The following SLC7A11 variants were observed in gnomAD, a reference collection of about 807,000 sequenced individuals.
SLC7A11 encodes the protein cystine/glutamate transporter.
In SLC7A11, 35 loss-of-function variants were observed where a neutral mutation model predicts 54.5. The observed-to-expected ratio is 0.64, with a 90% confidence interval of 0.49 to 0.85. The LOEUF (loss-of-function observed/expected upper bound fraction) is 0.85. SLC7A11 is among the 40% of genes least tolerant of loss of function. SLC7A11 has a pLI of 0.00. For missense variants in SLC7A11, 583 were observed against 618.1 expected (o/e 0.94, Z 0.60); for synonymous variants, 230 against 225.2 (o/e 1.02, Z -0.19).
chr4:138,223,326 T>C lies in SLC7A11; in HGVS notation c.521-2A>G. The C allele has an allele frequency of 1.2e-6, 2 of 1,612,744 alleles. No homozygotes were observed. Among genetic ancestry groups the C allele is most frequent in the Non-Finnish European group, 1.7e-6 (2 of 1,179,164 alleles). Reference sequence around the variant, plus strand: ...TGCTATTTAGGACCATCACTACAGCTGCAAACAAATAGAGGAAGTTACAAA... The same window carrying C: ...TGCTATTTAGGACCATCACTACAGCCGCAAACAAATAGAGGAAGTTACAAA... On this transcript the variant is annotated splice_acceptor_variant, in intron 3 of 11. Coordinates refer to ENST00000280612, the MANE Select transcript of SLC7A11 (RefSeq NM_014331.4). LOFTEE classifies it high-confidence loss of function.
At chr4:138,179,160 T>C (rs1231435944) in intron 11 of SLC7A11, 57 bp downstream of exon 11, 26 of 1,219,898 alleles carry the variant, frequency 2.1e-5, no homozygotes, top group Non-Finnish European at 3.1e-5. Flanking sequence ...TATGCACACC[T>C]TTATGGGTTT....
intron 1 of SLC7A11, among the ~76,000 whole-genome samples, chr4:138,239,710 T>C (rs950957026): frequency 2.0e-5 from 3 of 152,218 alleles, no homozygotes; most frequent in African/African-American, 7.2e-5. Context: ...AGATGATATG[T>C]AATACTTATG....
chr4:138,225,653 G>A (rs1483589132), intron 3 of SLC7A11, among the ~76,000 whole-genome samples: 5 of 152,060 alleles, frequency 3.3e-5, no homozygotes, highest in African/African-American at 1.2e-4. Context: ...GCAAATGACT[G>A]TGTGATGAGT....
chr4:138,206,328 G>GT (rs1156347003), intron 6 of SLC7A11, among the ~76,000 whole-genome samples: 15 of 150,386 alleles, frequency 1.0e-4, no homozygotes, highest in African/African-American at 3.7e-4. Context: ...AGCCACTGTT[G>GT]TTGCTCCTAA....
rs189047234 is a variant in SLC7A11, at chr4:138,169,867, T to G, written c.*2089A>C. The G allele has an allele frequency of 3.3e-5, 5 of 151,664 alleles. No individual in the cohort carries two copies. The East Asian group carries it at 9.7e-4, about 29-fold the overall frequency. The allele number at this position is 151,664 out of a possible 1,614,324, so 9.4% of individuals were successfully genotyped here. A position where few individuals can be genotyped will look rare whatever the true frequency, so the allele number is the denominator to read the frequency against. Reference sequence around the variant, plus strand: ...AACCCTATGCTAAGGAAGGAAGGAGTTATTATAAATTCACTCAGAGACCCA... The same window carrying G: ...AACCCTATGCTAAGGAAGGAAGGAGGTATTATAAATTCACTCAGAGACCCA... On this transcript the variant is annotated 3_prime_UTR_variant, in exon 12 of 12. Transcript: ENST00000280612.
chr4:138,210,059 G>C (rs1366787335), intron 6 of SLC7A11, among the ~76,000 whole-genome samples: 1 of 151,818 alleles, frequency 6.6e-6, no homozygotes, highest in Admixed American at 6.6e-5. Context: ...TAAACTAATG[G>C]AACAGGTTAA....
chr4:138,232,787 A>T (rs957780832), intron 2 of SLC7A11, among the ~76,000 whole-genome samples: 1 of 152,250 alleles, frequency 6.6e-6, no homozygotes, highest in Non-Finnish European at 1.5e-5. Context: ...CTAATGTGTC[A>T]GGGCATAGTC....
At chr4:138,216,351 A>G (rs529182308) in intron 5 of SLC7A11, among the ~76,000 whole-genome samples, 1 of 152,316 alleles carries the variant, frequency 6.6e-6, no homozygotes, top group African/African-American at 2.4e-5. Flanking sequence ...AAGGAAGAGA[A>G]AAAGACACTA....
intron 6 of SLC7A11, among the ~76,000 whole-genome samples, chr4:138,192,217 G>A (rs1737028731): frequency 6.6e-6 from 1 of 152,110 alleles, no homozygotes; most frequent in East Asian, 1.9e-4. Context: ...TACCAAAACA[G>A]ACACCACATT....
At chr4:138,192,162 G>C (rs1310988268) in intron 6 of SLC7A11, among the ~76,000 whole-genome samples, 1 of 152,122 alleles carries the variant, frequency 6.6e-6, no homozygotes, top group Admixed American at 6.6e-5. Context: ...CTCACCAAAA[G>C]TCTGTTTTCT....
intron 1 of SLC7A11, 21 bp downstream of exon 1, chr4:138,241,772 G>A: frequency 1.3e-6 from 2 of 1,576,604 alleles, no homozygotes; most frequent in Non-Finnish European, 1.7e-6. Flanking sequence ...ACGCCCCCAC[G>A]AGAGAAAAAG....
At chr4:138,231,013 T>A (rs1738064299) in intron 3 of SLC7A11, among the ~76,000 whole-genome samples, 1 of 152,170 alleles carries the variant, frequency 6.6e-6, no homozygotes, top group African/African-American at 2.4e-5. Flanking sequence ...ATAAATTGAA[T>A]AAAATAATGT....
At chr4:138,231,677 CT>C (rs1560739900) in intron 3 of SLC7A11, among the ~76,000 whole-genome samples, 2 of 152,018 alleles carry the variant, frequency 1.3e-5, no homozygotes, top group Non-Finnish European at 2.9e-5. Flanking sequence ...CTTTTTGTTT[CT>C]TTTTTTAATC....
intron 1 of SLC7A11, among the ~76,000 whole-genome samples, chr4:138,237,381 ACT>A (rs1738238162): frequency 6.7e-6 from 1 of 148,262 alleles, no homozygotes; most frequent in South Asian, 2.1e-4. Context: ...TTTGAAGTGT[ACT>A]CTCTGGGTGT....
At chr4:138,180,856 C>A in intron 9 of SLC7A11, 66 bp from the exon 10 acceptor site, 1 of 1,401,294 alleles carries the variant, frequency 7.1e-7, no homozygotes, top group Non-Finnish European at 9.8e-7. Flanking sequence ...ACAACAAAAA[C>A]CTCACTATGC....
chr4:138,168,123 G>C lies in SLC7A11; in HGVS notation c.*3833C>G, dbSNP rs973018267. The C allele has an allele frequency of 1.3e-5, 2 of 152,048 alleles. No homozygotes were observed. The highest frequency in any genetic ancestry group is 1.9e-4 in the East Asian group (1 of 5,198). 9.4% of individuals were successfully genotyped at this position (152,048 alleles called of 1,614,324 possible). ...CACATGGACAATGCAGATTTTGTGG[G>C]GGTAGAAGTGTACACAACTTTGCTG... On this transcript the variant is annotated 3_prime_UTR_variant, in exon 12 of 12. Transcript: ENST00000280612.
At chr4:138,197,413 T>C (rs1291473416) in intron 6 of SLC7A11, among the ~76,000 whole-genome samples, 3 of 152,130 alleles carry the variant, frequency 2.0e-5, no homozygotes, top group African/African-American at 7.2e-5. Flanking sequence ...AAGAGGAAGA[T>C]TAATGTCATT....
At chr4:138,195,617 T>C (rs1737113373) in intron 6 of SLC7A11, among the ~76,000 whole-genome samples, 1 of 152,162 alleles carries the variant, frequency 6.6e-6, no homozygotes, top group South Asian at 2.1e-4. Context: ...AGGGAAACCT[T>C]ACCTCCTTCT....
chr4:138,164,748 G>GA lies in SLC7A11; in HGVS notation c.*7207dup, dbSNP rs1323527261. The stretch of plus-strand genomic sequence containing the variant: ...CTTGAGTTGAGGACCAGTTAGTTAG[G>GA]ATATTGAGGATCACTCTTTTTCAGC... On this transcript the variant is annotated 3_prime_UTR_variant, in exon 12 of 12. Coordinates refer to ENST00000280612, the MANE Select transcript of SLC7A11 (RefSeq NM_014331.4). 4 of 152,166 alleles carry GA rather than the reference G, an allele frequency of 2.6e-5. No individual in the cohort carries two copies. In the East Asian group the frequency reaches 7.7e-4, roughly 29 times the overall value. 9.4% of individuals were successfully genotyped at this position (152,166 alleles called of 1,614,324 possible). A position where few individuals can be genotyped will look rare whatever the true frequency, so the allele number is the denominator to read the frequency against.
Sources: gnomAD v4.1 joint callset for allele counts (sites outside exome capture counted in the v4.1 genomes callset) on GRCh38, gnomAD v4.1.1 for gene constraint, MANE v1.5 for transcripts, NCBI Gene and HGNC (gene_info 2026-07-23, HGNC 2026-07-21) for gene names.